NINL: variants seen among roughly 807,000 people sequenced by gnomAD.
NINL encodes the protein ninein-like protein.
A neutral mutation model predicts 160.3 loss-of-function variants in NINL; 153 were observed. That is an observed-to-expected ratio of 0.95 (90% confidence interval 0.84 to 1.09). The LOEUF (loss-of-function observed/expected upper bound fraction) is 1.09, where lower values mean the gene tolerates loss of function less well. NINL is among the 50% of genes least tolerant of loss of function. NINL has a pLI of 0.00. For missense variants in NINL, 1,829 were observed against 1,764.0 expected (o/e 1.04, Z -0.66); for synonymous variants, 800 against 734.8 (o/e 1.09, Z -1.43).
chr20:25,533,587 A>G (rs1240451071), intron 1 of NINL, among the ~76,000 whole-genome samples: 1 of 152,234 alleles, frequency 6.6e-6, no homozygotes, highest in African/African-American at 2.4e-5. Flanking sequence ...ACAGGCAGAC[A>G]TAGACCCATG....
intron 1 of NINL, among the ~76,000 whole-genome samples, chr20:25,577,284 C>T (rs1240237625): frequency 3.3e-5 from 5 of 152,188 alleles, no homozygotes; most frequent in East Asian, 1.9e-4. Flanking sequence ...TGGAGACACG[C>T]GTCCCCAAGT....
At chr20:25,467,237 G>T in intron 19 of NINL, 152 bp downstream of exon 19, 1 of 692,162 alleles carries the variant, frequency 1.4e-6, no homozygotes. Flanking sequence ...TTTAGTGTCT[G>T]ACTTTGATGG....
In NINL at chr20:25,482,010, G is replaced by C. The variant is rs1456918590; in HGVS notation, c.1768C>G (p.Pro590Ala). Residue 590 changes from proline (P) to alanine (A), a missense_variant, in exon 14 of 24, where the codon CCG becomes GCG. Transcript: ENST00000278886. ...GGGAGCTGCCGTCTGCGCCCATCCGGGCTCCATGAGGGGCTGTGCCGGTTC... is the reference window on the plus strand; with the variant it reads ...GGGAGCTGCCGTCTGCGCCCATCCGCGCTCCATGAGGGGCTGTGCCGGTTC... ...PKNRHSPSWS[P>A]DGRRRQLPGL... The C allele has an allele frequency of 6.3e-7, 1 of 1,598,542 alleles. No homozygotes were observed.
chr20:25,558,849 C>T (rs572556262), intron 1 of NINL, among the ~76,000 whole-genome samples: 4 of 152,324 alleles, frequency 2.6e-5, no homozygotes, highest in South Asian at 2.1e-4. Flanking sequence ...AAAGCGGAGA[C>T]GGCCTGTCCC....
At chr20:25,524,129 G>C (rs1227750188) in intron 2 of NINL, among the ~76,000 whole-genome samples, 1 of 152,130 alleles carries the variant, frequency 6.6e-6, no homozygotes, top group Non-Finnish European at 1.5e-5. Flanking sequence ...AGGGGCTGTG[G>C]GAGCTCTGCC....
At chr20:25,555,224 C>T (rs1322367149) in intron 1 of NINL, among the ~76,000 whole-genome samples, 2 of 152,162 alleles carry the variant, frequency 1.3e-5, no homozygotes, top group Non-Finnish European at 2.9e-5. Flanking sequence ...GTCCACCTAA[C>T]CCTGTGACAC....
Position 25,577,879 on chromosome 20 carries a change from C to T in NINL, c.-12+7576G>A, listed in dbSNP as rs555076124. Among the ~76,000 whole-genome samples the T allele has an allele frequency of 1.0e-3, 152 of 150,356 alleles. 1 individual carries two copies. The highest frequency in any genetic ancestry group is 3.6e-3 in the African/African-American group (147 of 40,884). ...TGGAGTTTCACTCTCGTTGCCCAGG[C>T]TGGAATGCAATGGCGCGATCTCGGC... On this transcript the variant is annotated intron_variant, in intron 1 of 23. Transcript: ENST00000278886.
At chr20:25,540,276 A>C (rs1054340732) in intron 1 of NINL, among the ~76,000 whole-genome samples, 11 of 152,210 alleles carry the variant, frequency 7.2e-5, no homozygotes, top group African/African-American at 2.7e-4. Flanking sequence ...TTTAAGATAC[A>C]AACATAAACT....
chr20:25,537,049 G>T (rs1007813044), intron 1 of NINL, among the ~76,000 whole-genome samples: 2 of 152,114 alleles, frequency 1.3e-5, no homozygotes, highest in Admixed American at 1.3e-4. Context: ...GCAACAGAGC[G>T]GGGTAGTTGA....
intron 5 of NINL, among the ~76,000 whole-genome samples, chr20:25,507,415 T>C (rs1045655167): frequency 6.6e-6 from 1 of 152,144 alleles, no homozygotes; most frequent in Non-Finnish European, 1.5e-5. Flanking sequence ...TGGAAACAGC[T>C]TGAGAATGAG....
rs147521700 is a variant in NINL at position 25,476,242 on chromosome 20, C to T, written c.3049G>A (p.Ala1017Thr). 16 of 1,613,912 alleles carry T rather than the reference C, an allele frequency of 9.9e-6. No homozygotes were observed. The African/African-American group carries it at 1.9e-4, about 19-fold the overall frequency. The change falls in exon 17 of 24, where the codon GCC becomes ACC. Residue 1017 changes from alanine to threonine, a missense_variant. Transcript: ENST00000278886. ...PGCHKHSVEV[A>T]RRGSLPSHLQ... is the part of the protein sequence containing the mutation. ...TGGGATGGCAAGGACCCTCTCCTGG[C>T]AACCTCCACACTGTGCTTGTGACAC...
At chr20:25,540,133 T>C in intron 1 of NINL, 1 of 989,872 alleles carries the variant, frequency 1.0e-6, no homozygotes, top group Non-Finnish European at 1.4e-6. Flanking sequence ...CACCAGAAAA[T>C]CTGGCCAGCA....
At position 25,482,026 on chromosome 20, in the gene NINL, G is replaced by A; in HGVS notation, c.1752C>T (p.His584=). 1 of 1,598,690 alleles carries A rather than the reference G, an allele frequency of 6.3e-7. No homozygotes were observed. Among genetic ancestry groups the A allele is most frequent in the Non-Finnish European group, 8.5e-7 (1 of 1,179,780 alleles). Reference sequence around the variant, plus strand: ...GCCCATCCGGGCTCCATGAGGGGCTGTGCCGGTTCTTGGGCAGCCGCGCCC... The same window carrying A: ...GCCCATCCGGGCTCCATGAGGGGCTATGCCGGTTCTTGGGCAGCCGCGCCC... The part of the protein sequence containing the change: ...GLWARLPKNR[H]SPSWSPDGRR... Residue 584 remains histidine (H), a synonymous_variant, in exon 14 of 24, where the codon CAC becomes CAT. Transcript: ENST00000278886.
Position 25,510,716 on chromosome 20 carries a change from C to T in NINL, c.475G>A (p.Glu159Lys), listed in dbSNP as rs765261480. ...VESPKSDEEA[E>K]STKEAQNELF... The stretch of plus-strand genomic sequence containing the variant: ...TCATTCTGAGCTTCTTTAGTGCTCT[C>T]GGCCTCTTCATCTGACTTGGGACTC... The change falls in exon 5 of 24, where the codon GAG becomes AAG. Residue 159 changes from glutamate to lysine, a missense_variant. Coordinates refer to ENST00000278886, the MANE Select transcript of NINL (RefSeq NM_025176.6). The T allele has an allele frequency of 1.6e-5, 26 of 1,613,694 alleles. No individual in the cohort carries two copies. The highest frequency in any genetic ancestry group is 4.4e-5 in the South Asian group (4 of 91,058).
At chr20:25,453,777 G>GT in intron 23 of NINL, 135 bp from the exon 24 acceptor site, 1 of 751,678 alleles carries the variant, frequency 1.3e-6, no homozygotes, top group Non-Finnish European at 2.0e-6. Context: ...AAGGCCGGGG[G>GT]CAGTGGTTCA....
chr20:25,556,371 C>T (rs1008619711), intron 1 of NINL, among the ~76,000 whole-genome samples: 1 of 152,142 alleles, frequency 6.6e-6, no homozygotes, highest in African/African-American at 2.4e-5. Context: ...TGCCTGTAAT[C>T]CCAGCACTTT....
chr20:25,558,294 G>A (rs559761673), intron 1 of NINL, among the ~76,000 whole-genome samples: 10 of 152,142 alleles, frequency 6.6e-5, no homozygotes, highest in Middle Eastern at 3.2e-3. Context: ...TGAAACCTCC[G>A]TCGCCTGGAT....
chr20:25,572,169 A>C (rs954731724), intron 1 of NINL, among the ~76,000 whole-genome samples: 2 of 151,798 alleles, frequency 1.3e-5, no homozygotes, highest in African/African-American at 4.8e-5. Context: ...AAGTTGCCTA[A>C]GTTTATACTT....
At chr20:25,538,943 G>A (rs1189644652) in intron 1 of NINL, among the ~76,000 whole-genome samples, 1 of 152,204 alleles carries the variant, frequency 6.6e-6, no homozygotes, top group Non-Finnish European at 1.5e-5. Context: ...AGGGCACCTT[G>A]GCTGTCAGCT....
Sources: gnomAD v4.1 joint callset for allele counts (sites outside exome capture counted in the v4.1 genomes callset) on GRCh38, gnomAD v4.1.1 for gene constraint, MANE v1.5 for transcripts, NCBI Gene and HGNC (gene_info 2026-07-23, HGNC 2026-07-21) for gene names.